MKLN1: variants seen among roughly 807,000 people sequenced by gnomAD.
MKLN1 encodes muskelin 1.
MKLN1 carries 18 observed loss-of-function variants against 99.0 expected under a neutral mutation model. The observed-to-expected ratio is 0.18, with a 90% CI of 0.13 to 0.27. The LOEUF (loss-of-function observed/expected upper bound fraction) is 0.27, where lower values mean the gene tolerates loss of function less well. MKLN1 is among the 10% of genes least tolerant of loss of function. The probability of loss-of-function intolerance (pLI) is 1.00; values close to 1 mark genes in which losing one functional copy is unlikely to be tolerated. For synonymous variants in MKLN1, 288 were observed against 293.2 expected, an observed-to-expected ratio of 0.98 and a Z score of 0.18; for missense variants, 621 against 875.9, an observed-to-expected ratio of 0.71 and a Z score of 3.67.
chr7:131,118,820 G>T (rs1175860769), intron 1 of MKLN1, among the ~76,000 whole-genome samples: 1 of 152,146 alleles, frequency 6.6e-6, no homozygotes, highest in African/African-American at 2.4e-5. Flanking sequence ...ATCACGAGAA[G>T]AACAAGGGGG....
At chr7:131,359,209 G>C (rs1053689380) in intron 1 of MKLN1, among the ~76,000 whole-genome samples, 2 of 151,932 alleles carry the variant, frequency 1.3e-5, no homozygotes, top group East Asian at 1.9e-4. Context: ...TTGATGTTTT[G>C]TTCTTAGTTT....
At position 131,194,089 on chromosome 7, in the gene MKLN1, C is replaced by T. The variant is rs1182238432; in HGVS notation, c.-296-8768C>T. 4.6e-5 allele frequency among the ~76,000 whole-genome samples: 7 copies of T among 151,554 alleles called. No individual in the cohort carries two copies. The East Asian group carries it at 5.8e-4, about 13-fold the overall frequency. ...TCCTGGGCTCAAACAATCCTCTCCC[C>T]GCCATCCACCTCGGCCTCTCAAAGT... is the stretch of plus-strand genomic sequence containing the variant. On this transcript the variant is annotated intron_variant, in intron 2 of 7. Coordinates refer to the MKLN1 transcript ENST00000416992.
chr7:131,411,799 C>T (rs368695477), intron 7 of MKLN1, among the ~76,000 whole-genome samples: 9 of 148,852 alleles, frequency 6.0e-5, no homozygotes, highest in South Asian at 2.1e-4. Context: ...CCCAGCTACT[C>T]GGGAGGCTGG....
intron 1 of MKLN1, among the ~76,000 whole-genome samples, chr7:131,362,682 A>G (rs961086558): frequency 6.6e-6 from 1 of 151,784 alleles, no homozygotes; most frequent in African/African-American, 2.4e-5. Flanking sequence ...TATTTTCATC[A>G]CTTTCCAACC....
At chr7:131,277,430 C>T (rs1319448911) in intron 3 of MKLN1, among the ~76,000 whole-genome samples, 1 of 152,000 alleles carries the variant, frequency 6.6e-6, no homozygotes. Flanking sequence ...ATTACCAGCG[C>T]CCACCACCAT....
At chr7:131,470,999 A>G in intron 16 of MKLN1, 55 bp downstream of exon 16, 1 of 1,256,802 alleles carries the variant, frequency 8.0e-7, no homozygotes, top group Non-Finnish European at 1.1e-6. Context: ...ATGTCTTCCT[A>G]ACTTATATTT....
chr7:131,414,737 A>C, intron 8 of MKLN1, 27 bp downstream of exon 8: 1 of 1,489,132 alleles, frequency 6.7e-7, no homozygotes, highest in Non-Finnish European at 9.1e-7. Context: ...GTGGAAAGCA[A>C]AATCTTCATT....
intron 2 of MKLN1, among the ~76,000 whole-genome samples, chr7:131,385,380 T>C (rs1793981843): frequency 6.6e-6 from 1 of 152,040 alleles, no homozygotes; most frequent in Admixed American, 6.6e-5. Flanking sequence ...GGTTTATACC[T>C]AGGAGTGGAC....
At position 131,290,340 on chromosome 7, in the gene MKLN1, C is replaced by T. The variant is rs150389917; in HGVS notation, c.-178-85084C>T. Among the ~76,000 whole-genome samples the T allele has an allele frequency of 2.6e-3, 397 of 152,188 alleles. 3 individuals are homozygous for T. The highest frequency in any genetic ancestry group is 9.1e-3 in the African/African-American group (377 of 41,528). On this transcript the variant is annotated intron_variant, in intron 3 of 7. Transcript: ENST00000416992. ...AATAAATAAAAATGAAATTGCAATCCTCTGTACAACCCTGCTTTATTTTTC... is the reference window on the plus strand; with the variant it reads ...AATAAATAAAAATGAAATTGCAATCTTCTGTACAACCCTGCTTTATTTTTC...
chr7:131,341,551 C>T (rs566325757), intron 1 of MKLN1, among the ~76,000 whole-genome samples: 2 of 152,202 alleles, frequency 1.3e-5, no homozygotes, highest in African/African-American at 4.8e-5. Flanking sequence ...TCTGTTGTAT[C>T]GATATACCAC....
At chr7:131,364,515 G>A (rs558433684) in intron 1 of MKLN1, among the ~76,000 whole-genome samples, 2 of 151,736 alleles carry the variant, frequency 1.3e-5, no homozygotes, top group African/African-American at 4.8e-5. Flanking sequence ...CATACGTGAA[G>A]GTTTTTACAT....
intron 2 of MKLN1, among the ~76,000 whole-genome samples, chr7:131,153,753 C>T (rs1490765948): frequency 6.6e-6 from 1 of 150,696 alleles, no homozygotes; most frequent in Non-Finnish European, 1.5e-5. Flanking sequence ...ACCTCCGCCT[C>T]CTGGGTTCAA....
intron 11 of MKLN1, among the ~76,000 whole-genome samples, chr7:131,445,007 T>C (rs974835208): frequency 6.6e-6 from 1 of 152,102 alleles, no homozygotes; most frequent in Non-Finnish European, 1.5e-5. Flanking sequence ...TTTGTCTGTC[T>C]ATAATAGCTT....
intron 2 of MKLN1, among the ~76,000 whole-genome samples, chr7:131,171,597 C>T (rs1796217369): frequency 6.6e-6 from 1 of 152,078 alleles, no homozygotes; most frequent in African/African-American, 2.4e-5. Context: ...GCTGGGATTA[C>T]AGGCATCCAC....
At position 131,250,046 on chromosome 7, in the gene MKLN1, T is replaced by G. The variant is rs560210606; in HGVS notation, c.-179+47072T>G. On this transcript the variant is annotated intron_variant, in intron 3 of 7. Transcript: ENST00000416992. ...GAAGTACGAGGACCACTTTGTAGAA[T>G]CATGCAGTAATTGAAGAAGGAAATA... Among the ~76,000 whole-genome samples the G allele has an allele frequency of 2.0e-5, 3 of 152,232 alleles. No individual in the cohort carries two copies. The South Asian group carries it at 6.2e-4, about 32-fold the overall frequency.
intron 3 of MKLN1, among the ~76,000 whole-genome samples, chr7:131,291,193 T>C (rs1204980293): frequency 6.6e-6 from 1 of 151,616 alleles, no homozygotes; most frequent in African/African-American, 2.4e-5. Context: ...TTCAGTGGCG[T>C]GATCTTGGCT....
chr7:131,410,644 G>A (rs776128337), intron 6 of MKLN1, among the ~76,000 whole-genome samples: 106 of 152,188 alleles, frequency 7.0e-4, no homozygotes, highest in Admixed American at 2.0e-3. Flanking sequence ...GCACTGTTGG[G>A]GGAAAGAGAT....
intron 2 of MKLN1, among the ~76,000 whole-genome samples, chr7:131,192,914 T>G (rs752235941): frequency 6.6e-6 from 1 of 152,260 alleles, no homozygotes; most frequent in Admixed American, 6.5e-5. Flanking sequence ...GGATGGGTGG[T>G]TACTACTACC....
chr7:131,258,044 C>G (rs1797682109), intron 3 of MKLN1, among the ~76,000 whole-genome samples: 1 of 151,394 alleles, frequency 6.6e-6, no homozygotes, highest in Admixed American at 6.6e-5. Context: ...TTGCTTGAGC[C>G]TAGGAGGTCA....
Sources: gnomAD v4.1 joint callset for allele counts (sites outside exome capture counted in the v4.1 genomes callset) on GRCh38, gnomAD v4.1.1 for gene constraint, MANE v1.5 for transcripts, NCBI Gene and HGNC (gene_info 2026-07-23, HGNC 2026-07-21) for gene names.